The following RGS5 variants were observed in gnomAD, a reference collection of about 807,000 sequenced individuals.
RGS5 encodes the protein regulator of G-protein signalling 5.
RGS5 carries 20 observed loss-of-function variants against 18.9 expected under a neutral mutation model. The observed-to-expected ratio is 1.06, with a 90% confidence interval of 0.74 to 1.54. The LOEUF (loss-of-function observed/expected upper bound fraction) is 1.54. Ranked by LOEUF, RGS5 falls within the 40% of genes most tolerant of loss-of-function variation. RGS5 has a pLI of 0.00. For synonymous variants in RGS5, 57 were observed against 76.2 expected, an observed-to-expected ratio of 0.75 and a Z score of 1.31; for missense variants, 201 against 211.8, an observed-to-expected ratio of 0.95 and a Z score of 0.32.
Position 163,142,490 on chromosome 1 carries a change from C to A in RGS5, c.*4852G>T, listed in dbSNP as rs1197696028. 1 of 151,776 alleles carries A rather than the reference C, an allele frequency of 6.6e-6. No individual in the cohort carries two copies. The highest frequency in any genetic ancestry group is 1.5e-5 in the Non-Finnish European group (1 of 67,938). The allele number at this position is 151,776 out of a possible 1,614,324, so 9.4% of individuals were successfully genotyped here. On this transcript the variant is annotated 3_prime_UTR_variant, in exon 5 of 5. Coordinates refer to ENST00000313961, the MANE Select transcript of RGS5 (RefSeq NM_003617.4). ...AATGCTTACAAATGGATTTATAAACCTTTCACTTCTACTTCATTCTCCTGG... is the reference window on the plus strand; with the variant it reads ...AATGCTTACAAATGGATTTATAAACATTTCACTTCTACTTCATTCTCCTGG...
chr1:163,216,007 C>G (rs1660208728), intron 1 of RGS5, among the ~76,000 whole-genome samples: 2 of 152,078 alleles, frequency 1.3e-5, no homozygotes, highest in African/African-American at 4.8e-5. Context: ...CAGAGTCAGG[C>G]AGAAGTCATG....
Position 163,144,988 on chromosome 1 carries a change from G to T in RGS5, c.*2354C>A, listed in dbSNP as rs1657074694. On this transcript the variant is annotated 3_prime_UTR_variant, in exon 5 of 5. Coordinates refer to ENST00000313961, the MANE Select transcript of RGS5 (RefSeq NM_003617.4). ...ATATAGATGTAGATATAGATAGATAGATATATGTAGATATATAGATATAAT... is the reference window on the plus strand; with the variant it reads ...ATATAGATGTAGATATAGATAGATATATATATGTAGATATATAGATATAAT... The T allele has an allele frequency of 6.6e-6, 1 of 152,078 alleles. No homozygotes were observed. The highest frequency in any genetic ancestry group is 2.4e-5 in the African/African-American group (1 of 41,418). 9.4% of individuals were successfully genotyped at this position (152,078 alleles called of 1,614,324 possible).
chr1:163,311,750 A>G (rs1403264910), intron 1 of RGS5, among the ~76,000 whole-genome samples: 2 of 152,216 alleles, frequency 1.3e-5, no homozygotes, highest in East Asian at 3.9e-4. Context: ...ATCAAAGATT[A>G]CCGATTGCAG....
intron 1 of RGS5, among the ~76,000 whole-genome samples, chr1:163,177,475 C>A (rs80241289): frequency 0.027 from 4,065 of 152,276 alleles, 89 homozygotes; most frequent in Middle Eastern, 0.095. Context: ...AGTTGGATTT[C>A]ATTATGCATA....
intron 2 of RGS5, among the ~76,000 whole-genome samples, chr1:163,166,165 T>C (rs1658038245): frequency 6.6e-6 from 1 of 151,994 alleles, no homozygotes; most frequent in South Asian, 2.1e-4. Context: ...TGGGTACCTG[T>C]TTGCTCCTGG....
chr1:163,293,587 CT>C (rs1268254277), intron 2 of RGS5, among the ~76,000 whole-genome samples: 1 of 152,164 alleles, frequency 6.6e-6, no homozygotes, highest in Admixed American at 6.5e-5. Flanking sequence ...CATTCTGCCC[CT>C]GGCCCCTCCC....
intron 1 of RGS5, among the ~76,000 whole-genome samples, chr1:163,168,729 G>A (rs1051855817): frequency 7.2e-5 from 11 of 152,126 alleles, no homozygotes; most frequent in African/African-American, 2.7e-4. Flanking sequence ...GTATTTGGTG[G>A]AGACAGATGT....
At chr1:163,224,975 G>A (rs1647302195) in intron 2 of RGS5, among the ~76,000 whole-genome samples, 1 of 151,988 alleles carries the variant, frequency 6.6e-6, no homozygotes, top group Non-Finnish European at 1.5e-5. Context: ...CCATTCTATA[G>A]GTTGTCTCGT....
intron 2 of RGS5, among the ~76,000 whole-genome samples, chr1:163,269,537 C>A (rs1488941574): frequency 6.6e-6 from 1 of 151,984 alleles, no homozygotes; most frequent in South Asian, 2.1e-4. Flanking sequence ...GGTTATGGGG[C>A]CTGGAGACAT....
At chr1:163,213,214 A>C (rs1660143699) in intron 1 of RGS5, among the ~76,000 whole-genome samples, 1 of 152,134 alleles carries the variant, frequency 6.6e-6, no homozygotes, top group African/African-American at 2.4e-5. Context: ...ATTAGTTGCT[A>C]TGCATTACTT....
intron 1 of RGS5, among the ~76,000 whole-genome samples, chr1:163,308,296 AGT>A (rs1326032841): frequency 6.6e-6 from 1 of 152,200 alleles, no homozygotes; most frequent in Admixed American, 6.5e-5. Flanking sequence ...TCCCCATTTC[AGT>A]GTTTACCAGC....
At chr1:163,310,419 C>T (rs188050138) in intron 1 of RGS5, among the ~76,000 whole-genome samples, 2 of 151,682 alleles carry the variant, frequency 1.3e-5, no homozygotes, top group East Asian at 1.9e-4. Flanking sequence ...CTAAAAAATA[C>T]AAAAAATTAG....
intron 2 of RGS5, among the ~76,000 whole-genome samples, chr1:163,261,832 CA>C (rs1222680174): frequency 6.6e-6 from 1 of 152,122 alleles, no homozygotes; most frequent in African/African-American, 2.4e-5. Context: ...GATAATATTT[CA>C]AAATGTTATT....
chr1:163,280,411 T>C (rs560171750), intron 2 of RGS5, among the ~76,000 whole-genome samples: 11 of 152,122 alleles, frequency 7.2e-5, no homozygotes, highest in African/African-American at 2.2e-4. Context: ...CCAAAACCAA[T>C]ATAATCATCT....
chr1:163,276,135 C>T (rs1054928779), intron 2 of RGS5, among the ~76,000 whole-genome samples: 2 of 152,152 alleles, frequency 1.3e-5, no homozygotes, highest in East Asian at 1.9e-4. Flanking sequence ...GCTGGGATTA[C>T]AGGCATGCAC....
intron 2 of RGS5, among the ~76,000 whole-genome samples, chr1:163,273,824 T>A (rs1161374466): frequency 6.6e-6 from 1 of 152,194 alleles, no homozygotes; most frequent in African/African-American, 2.4e-5. Context: ...CCTCTGAGAT[T>A]TGTAGTTAAT....
rs1203233554 is a variant in RGS5 at position 163,276,971 on chromosome 1, T to C, written c.-281+29262A>G. ...TGCTTCATTATATCCTCCTCCCTTT[T>C]GGACTTCAGAAAAAGCTGACCAGGA... On this transcript the variant is annotated intron_variant, in intron 2 of 5. Transcript: ENST00000618415. 1.3e-5 allele frequency among the ~76,000 whole-genome samples: 2 copies of C among 152,300 alleles called. 1 individual carries two copies. Among genetic ancestry groups the C allele is most frequent in the South Asian group, 4.2e-4 (2 of 4,812 alleles).
At chr1:163,285,998 G>GCGCGCA (rs1553226793) in intron 2 of RGS5, among the ~76,000 whole-genome samples, 2,086 of 135,094 alleles carry the variant, frequency 0.015, 58 homozygotes, top group African/African-American at 0.057. Flanking sequence ...TTTAATTTAT[G>GCGCGCA]CACACACACA....
At chr1:163,166,996 C>A (rs991816171) in intron 2 of RGS5, among the ~76,000 whole-genome samples, 7 of 152,246 alleles carry the variant, frequency 4.6e-5, no homozygotes, top group Admixed American at 2.0e-4. Flanking sequence ...ACTGAATTAG[C>A]TTCTCCTTTT....
Sources: gnomAD v4.1 joint callset for allele counts (sites outside exome capture counted in the v4.1 genomes callset) on GRCh38, gnomAD v4.1.1 for gene constraint, MANE v1.5 for transcripts, NCBI Gene and HGNC (gene_info 2026-07-23, HGNC 2026-07-21) for gene names.